SCFD2: variants seen among roughly 807,000 people sequenced by gnomAD.
The protein encoded by SCFD2 is sec1 family domain-containing protein 2.
In SCFD2, 54 loss-of-function variants were observed where a neutral mutation model predicts 58.9. The ratio of observed to expected loss-of-function variants is 0.92; its 90% CI spans 0.74 to 1.15. SCFD2 has a LOEUF of 1.15. Among genes scored for constraint, SCFD2 ranks in the 50% most tolerant of loss-of-function variants. The pLI, the probability that SCFD2 is intolerant of heterozygous loss-of-function variation, is 0.00. For missense variants in SCFD2, 805 were observed against 836.6 expected (o/e 0.96, Z 0.47); for synonymous variants, 321 against 335.9 (o/e 0.96, Z 0.49).
chr4:53,287,294 T>C (rs1029829883), intron 3 of SCFD2, among the ~76,000 whole-genome samples: 5 of 152,070 alleles, frequency 3.3e-5, no homozygotes, highest in African/African-American at 7.2e-5. Context: ...ACAGCACCAC[T>C]ATCACTGCCT....
intron 4 of SCFD2, among the ~76,000 whole-genome samples, chr4:53,177,564 G>A (rs191328901): frequency 1.6e-4 from 25 of 152,304 alleles, no homozygotes; most frequent in East Asian, 7.7e-4. Flanking sequence ...GAACAGCTCC[G>A]GTCTACAGCT....
At position 53,266,703 on chromosome 4, in the gene SCFD2, C is replaced by T. The variant is rs375837663; in HGVS notation, c.1311+7123G>A. Reference sequence around the variant, plus strand: ...ATCCGTTTAAACATGTTCTTTTCTACACTTTAAATTTGAAGCAAAATCAGA... The same window carrying T: ...ATCCGTTTAAACATGTTCTTTTCTATACTTTAAATTTGAAGCAAAATCAGA... On this transcript the variant is annotated intron_variant, in intron 4 of 8. Transcript: ENST00000401642. Among the ~76,000 whole-genome samples, 12 of 152,304 alleles carry T rather than the reference C, an allele frequency of 7.9e-5. No individual in the cohort carries two copies. In the South Asian group the frequency reaches 1.4e-3, roughly 18 times the overall value.
chr4:53,264,401 C>T (rs1248554736), intron 4 of SCFD2, among the ~76,000 whole-genome samples: 2 of 152,218 alleles, frequency 1.3e-5, no homozygotes, highest in Non-Finnish European at 2.9e-5. Flanking sequence ...TGAGTGGGAG[C>T]TGCAAGCTAG....
In SCFD2 at chr4:52,907,614, G is replaced by A. The variant is rs149228347; in HGVS notation, c.1708-23C>T. The A allele has an allele frequency of 4.0e-4, 644 of 1,612,648 alleles. 5 individuals are homozygous for A. In the East Asian group the frequency reaches 0.013, roughly 32 times the overall value. On this transcript the variant is annotated intron_variant, in intron 6 of 8. Transcript: ENST00000401642. Reference sequence around the variant, plus strand: ...TGCCTGGAAAGACAAAATACTATGAGTAAAGGGATTGTTTGGTTTGTCTGG... The same window carrying A: ...TGCCTGGAAAGACAAAATACTATGAATAAAGGGATTGTTTGGTTTGTCTGG...
Position 53,176,660 on chromosome 4 carries a change from C to T in SCFD2, c.1312-31078G>A, listed in dbSNP as rs79428875. Among the ~76,000 whole-genome samples, 413 of 152,298 alleles carry T rather than the reference C, an allele frequency of 2.7e-3. 1 individual carries two copies. The highest frequency in any genetic ancestry group is 9.5e-3 in the African/African-American group (395 of 41,582). ...GACAGTTGGGTGGGTCAGACAGAAACAGGTTTTGGATGGGTGCAGTGGCTC... is the reference window on the plus strand; with the variant it reads ...GACAGTTGGGTGGGTCAGACAGAAATAGGTTTTGGATGGGTGCAGTGGCTC... On this transcript the variant is annotated intron_variant, in intron 4 of 8. Transcript: ENST00000401642.
chr4:53,013,037 C>T (rs1277939107), intron 5 of SCFD2, among the ~76,000 whole-genome samples: 1 of 152,202 alleles, frequency 6.6e-6, no homozygotes, highest in Non-Finnish European at 1.5e-5. Context: ...AGCTCCTGCA[C>T]CAACTCCAAA....
At chr4:53,082,080 T>C (rs554799166) in intron 5 of SCFD2, among the ~76,000 whole-genome samples, 10 of 152,340 alleles carry the variant, frequency 6.6e-5, no homozygotes, top group African/African-American at 2.4e-4. Flanking sequence ...TAACACATTT[T>C]GTTAAACCAT....
chr4:53,158,371 T>C (rs1351036648), intron 4 of SCFD2, among the ~76,000 whole-genome samples: 1 of 152,236 alleles, frequency 6.6e-6, no homozygotes, highest in African/African-American at 2.4e-5. Context: ...TCCACTTGTA[T>C]ATCTCACCTG....
intron 5 of SCFD2, among the ~76,000 whole-genome samples, chr4:53,111,774 T>C (rs1419681666): frequency 1.3e-5 from 2 of 152,160 alleles, no homozygotes; most frequent in African/African-American, 4.8e-5. Flanking sequence ...CAAGAGCACT[T>C]GTGATTTATA....
At chr4:53,266,958 GT>G (rs1446846922) in intron 4 of SCFD2, among the ~76,000 whole-genome samples, 9 of 152,192 alleles carry the variant, frequency 5.9e-5, no homozygotes, top group African/African-American at 2.2e-4. Flanking sequence ...TAAATCTATT[GT>G]TTCTAGGAGT....
At chr4:53,010,957 C>A (rs1277945262) in intron 5 of SCFD2, among the ~76,000 whole-genome samples, 2 of 152,144 alleles carry the variant, frequency 1.3e-5, no homozygotes, top group Non-Finnish European at 2.9e-5. Flanking sequence ...CAACGGCAAA[C>A]TCTTCAAAAT....
intron 5 of SCFD2, among the ~76,000 whole-genome samples, chr4:53,050,900 G>C (rs1723172081): frequency 6.6e-6 from 1 of 152,080 alleles, no homozygotes; most frequent in Non-Finnish European, 1.5e-5. Context: ...CCCATTTCCT[G>C]TCGTCTGTCA....
At chr4:53,229,787 A>G (rs1206638987) in intron 4 of SCFD2, among the ~76,000 whole-genome samples, 1 of 152,222 alleles carries the variant, frequency 6.6e-6, no homozygotes, top group African/African-American at 2.4e-5. Flanking sequence ...TCATTAAACT[A>G]AAGAGCTTCT....
chr4:53,159,933 A>G (rs1726804373), intron 4 of SCFD2, among the ~76,000 whole-genome samples: 1 of 152,236 alleles, frequency 6.6e-6, no homozygotes. Context: ...CACTTAAGAG[A>G]TATGCACAAA....
chr4:53,272,150 T>A (rs1731188773), intron 4 of SCFD2, among the ~76,000 whole-genome samples: 1 of 152,012 alleles, frequency 6.6e-6, no homozygotes, highest in Admixed American at 6.5e-5. Flanking sequence ...AAAACCACAA[T>A]GAGATACCAT....
At chr4:53,298,113 C>A (rs562240140) in intron 3 of SCFD2, among the ~76,000 whole-genome samples, 2 of 152,120 alleles carry the variant, frequency 1.3e-5, no homozygotes, top group Admixed American at 1.3e-4. Flanking sequence ...ACAGTGGGAG[C>A]AGCACACCAT....
chr4:53,142,523 G>A (rs1470363995), intron 5 of SCFD2, among the ~76,000 whole-genome samples: 1 of 152,174 alleles, frequency 6.6e-6, no homozygotes, highest in Non-Finnish European at 1.5e-5. Flanking sequence ...ACAGCAAACT[G>A]TAGGCAAGTT....
At chr4:53,180,511 G>C (rs547676329) in intron 4 of SCFD2, among the ~76,000 whole-genome samples, 3 of 152,136 alleles carry the variant, frequency 2.0e-5, no homozygotes. Context: ...AGTGTGTAGA[G>C]GGAAATTTAT....
At chr4:53,166,832 C>CAAAA (rs34996788) in intron 4 of SCFD2, among the ~76,000 whole-genome samples, 2 of 118,814 alleles carry the variant, frequency 1.7e-5, no homozygotes, top group Non-Finnish European at 3.4e-5. Flanking sequence ...AAATGCCCAC[C>CAAAA]AAAAAAAAAA....
Sources: allele counts gnomAD v4.1 joint callset (sites outside exome capture counted in the v4.1 genomes callset), GRCh38; gene constraint gnomAD v4.1.1; transcripts MANE v1.5; gene names NCBI Gene and HGNC (gene_info 2026-07-23, HGNC 2026-07-21).